The following REDIC1 variants were observed in gnomAD, a reference collection of about 807,000 sequenced individuals.
The protein encoded by REDIC1 is regulator of DNA class I crossover intermediates 1.
chr12:39,627,611 AC>A, the REDIC1 span, among the ~76,000 whole-genome samples: 1 of 152,172 alleles, frequency 6.6e-6, no homozygotes, highest in African/African-American at 2.4e-5. Flanking sequence ...GTACTGCAGC[AC>A]CTGGAGGTGC....
the REDIC1 span, among the ~76,000 whole-genome samples, chr12:39,670,681 A>G: frequency 1.3e-5 from 2 of 151,492 alleles, no homozygotes. Flanking sequence ...GGGATACTCA[A>G]CATTTGAATA....
the REDIC1 span, among the ~76,000 whole-genome samples, chr12:39,694,169 T>C: frequency 2.0e-5 from 3 of 152,174 alleles, no homozygotes; most frequent in Non-Finnish European, 4.4e-5. Flanking sequence ...GATCCTTATA[T>C]ATTAGAAAGA....
the REDIC1 span, among the ~76,000 whole-genome samples, chr12:39,895,516 ATATAT>A: frequency 8.2e-4 from 1 of 1,220 alleles, no homozygotes; most frequent in Non-Finnish European, 1.7e-3. Context: ...AAAAAAAATT[ATATAT>A]ATATATATAT....
the REDIC1 span, chr12:39,764,529 T>C: frequency 3.1e-6 from 5 of 1,612,288 alleles, no homozygotes; most frequent in East Asian, 4.5e-5. Flanking sequence ...ATCCAGTTTA[T>C]TCCAGATGAA....
chr12:39,871,984 A>C, the REDIC1 span: 1 of 1,523,912 alleles, frequency 6.6e-7, no homozygotes. Context: ...GAATAAAACA[A>C]TTGCTATTGA....
the REDIC1 span, chr12:39,754,907 A>G: frequency 2.0e-5 from 3 of 152,092 alleles, no homozygotes; most frequent in African/African-American, 7.2e-5. Flanking sequence ...TATCATTAAA[A>G]TGAGTAGGAC....
At chr12:39,764,611 T>A in the REDIC1 span, 2 of 1,586,984 alleles carry the variant, frequency 1.3e-6, no homozygotes, top group Non-Finnish European at 1.7e-6. Flanking sequence ...TTGGTCCCAT[T>A]CCTGAGAAAT....
At chr12:39,643,791 A>G in the REDIC1 span, 1 of 1,543,182 alleles carries the variant, frequency 6.5e-7, no homozygotes, top group Non-Finnish European at 8.9e-7. Flanking sequence ...ATATTTTGAA[A>G]AACACAGGTT....
chr12:39,899,615 T>G, the REDIC1 span, among the ~76,000 whole-genome samples: 2 of 152,156 alleles, frequency 1.3e-5, no homozygotes, highest in East Asian at 3.9e-4. Context: ...CTTGTGGGCT[T>G]TTAGTGCTAT....
At chr12:39,665,157 T>A in the REDIC1 span, among the ~76,000 whole-genome samples, 1 of 152,098 alleles carries the variant, frequency 6.6e-6, no homozygotes, top group Non-Finnish European at 1.5e-5. Flanking sequence ...CATGCCTATG[T>A]CCTGAATGGT....
chr12:39,901,061 C>G, the REDIC1 span, among the ~76,000 whole-genome samples: 1 of 152,120 alleles, frequency 6.6e-6, no homozygotes, highest in Non-Finnish European at 1.5e-5. Flanking sequence ...TGATCTTTGA[C>G]AAACCTGAGA....
chr12:39,639,647 G>A, the REDIC1 span, among the ~76,000 whole-genome samples: 1 of 151,892 alleles, frequency 6.6e-6, no homozygotes, highest in African/African-American at 2.4e-5. Flanking sequence ...TACTTAACCT[G>A]TCTTTGCCTT....
the REDIC1 span, among the ~76,000 whole-genome samples, chr12:39,900,156 ACT>A: frequency 0.42 from 63,732 of 151,648 alleles, 13,752 homozygotes; most frequent in East Asian, 0.76. Flanking sequence ...CAGGCTAAAA[ACT>A]CTCAGTAAAT....
chr12:39,809,002 TTCC>T, the REDIC1 span, among the ~76,000 whole-genome samples: 22 of 152,120 alleles, frequency 1.4e-4, no homozygotes, highest in African/African-American at 5.1e-4. Flanking sequence ...TCGCAAAGAT[TTCC>T]TCCTATGTTT....
At chr12:39,790,266 T>C in the REDIC1 span, among the ~76,000 whole-genome samples, 1 of 151,468 alleles carries the variant, frequency 6.6e-6, no homozygotes, top group Non-Finnish European at 1.5e-5. Context: ...CATGTGCACA[T>C]TGTGCAGGTT....
chr12:39,776,682 G>A, the REDIC1 span, among the ~76,000 whole-genome samples: 1 of 152,176 alleles, frequency 6.6e-6, no homozygotes, highest in Admixed American at 6.5e-5. Flanking sequence ...CCAGTCTGCT[G>A]AGCAGTATTC....
chr12:39,682,609 A>C, the REDIC1 span: 1 of 1,540,374 alleles, frequency 6.5e-7, no homozygotes, highest in African/African-American at 1.4e-5. Flanking sequence ...TTTATCCCAA[A>C]GTCTAGGAAA....
At chr12:39,691,528 C>T in the REDIC1 span, among the ~76,000 whole-genome samples, 2 of 151,976 alleles carry the variant, frequency 1.3e-5, no homozygotes, top group Admixed American at 6.6e-5. Context: ...CCTTAACATC[C>T]TGGAAATAAA....
At chr12:39,798,371 C>T in the REDIC1 span, among the ~76,000 whole-genome samples, 1 of 152,124 alleles carries the variant, frequency 6.6e-6, no homozygotes, top group African/African-American at 2.4e-5. Context: ...GTTTTAGAGT[C>T]ACTTGTGGCA....
Sources: gnomAD v4.1 joint callset for allele counts (sites outside exome capture counted in the v4.1 genomes callset) on GRCh38, gnomAD v4.1.1 for gene constraint, MANE v1.5 for transcripts, NCBI Gene and HGNC (gene_info 2026-07-23, HGNC 2026-07-21) for gene names.